Variants in GALNT18 observed in about 807,000 individuals in gnomAD.
The protein encoded by GALNT18 is GalNAc-transferase 18.
GALNT18 carries 44 observed loss-of-function variants against 69.5 expected under a neutral mutation model. The observed-to-expected ratio is 0.63, with a 90% confidence interval of 0.50 to 0.81. GALNT18 has a LOEUF of 0.81. GALNT18 is among the 40% of genes least tolerant of loss of function. The pLI is 0.00. For missense variants in GALNT18, 715 were observed against 810.0 expected (o/e 0.88, Z 1.42); for synonymous variants, 364 against 318.2 (o/e 1.14, Z -1.53).
At chr11:11,460,302 C>G (rs977377945) in intron 1 of GALNT18, among the ~76,000 whole-genome samples, 25 of 152,188 alleles carry the variant, frequency 1.6e-4, no homozygotes. Context: ...CTTTTCCCAT[C>G]TATTAAAAAG....
chr11:11,451,258 G>A (rs943335689), intron 1 of GALNT18, among the ~76,000 whole-genome samples: 6 of 152,094 alleles, frequency 3.9e-5, no homozygotes, highest in African/African-American at 1.2e-4. Context: ...TGACTCATTC[G>A]TTTGGAATGG....
At chr11:11,594,315 T>C (rs1859434618) in intron 1 of GALNT18, among the ~76,000 whole-genome samples, 1 of 152,338 alleles carries the variant, frequency 6.6e-6, no homozygotes, top group Admixed American at 6.5e-5. Flanking sequence ...TTTATTGATA[T>C]ACAACTTTCA....
rs576455023 is a variant in GALNT18, at chr11:11,383,990, C to T, written c.596-4726G>A. On this transcript the variant is annotated intron_variant, in intron 3 of 10. Coordinates refer to ENST00000227756, the MANE Select transcript of GALNT18 (RefSeq NM_198516.3). The surrounding 1 kb of genome is among the most constrained non-coding windows in gnomAD (Gnocchi z 5.2). ...CTCTTTTCTTTATAAATTGCCCAGTCTCAGGTAGTTCTTTATAGCAGTGCG... is the reference window on the plus strand; with the variant it reads ...CTCTTTTCTTTATAAATTGCCCAGTTTCAGGTAGTTCTTTATAGCAGTGCG... Among the ~76,000 whole-genome samples, 37 of 152,258 alleles carry T rather than the reference C, an allele frequency of 2.4e-4. No homozygotes were observed. The highest frequency in any genetic ancestry group is 7.9e-4 in the African/African-American group (33 of 41,540).
intron 6 of GALNT18, among the ~76,000 whole-genome samples, chr11:11,363,423 G>C (rs1850686053): frequency 6.6e-6 from 1 of 152,088 alleles, no homozygotes; most frequent in African/African-American, 2.4e-5. Context: ...AAAATCTAAA[G>C]AAGAAATGCA....
chr11:11,583,996 T>C lies in GALNT18; in HGVS notation c.235+37363A>G, dbSNP rs1386709353. 6.6e-6 allele frequency among the ~76,000 whole-genome samples: 1 copy of C among 152,002 alleles called. No individual in the cohort carries two copies. The highest frequency in any genetic ancestry group is 2.4e-5 in the African/African-American group (1 of 41,386). ...GAAATAGAGATGAACTGAATTCTTG[T>C]GAGGACATAGGAATTCGAAAAGGAA... On this transcript the variant is annotated intron_variant, in intron 1 of 10. Transcript: ENST00000227756. This position sits in a 1 kb window ranked among gnomAD's most constrained non-coding sequence, Gnocchi z 4.7.
intron 10 of GALNT18, among the ~76,000 whole-genome samples, chr11:11,286,499 T>G (rs1218448407): frequency 1.3e-5 from 2 of 152,188 alleles, no homozygotes. Context: ...TGACTTTTTT[T>G]TTTCTCCAGT....
intron 1 of GALNT18, among the ~76,000 whole-genome samples, chr11:11,509,774 C>A (rs1164937678): frequency 1.3e-5 from 2 of 152,238 alleles, no homozygotes; most frequent in Non-Finnish European, 2.9e-5. Context: ...GCTGGCATAT[C>A]TGAATTCAAG....
intron 2 of GALNT18, among the ~76,000 whole-genome samples, chr11:11,446,408 A>G (rs1855653493): frequency 6.6e-6 from 1 of 152,152 alleles, no homozygotes. Context: ...TTGACTGAAA[A>G]GTCCATGGCT....
chr11:11,608,260 T>C (rs749363895), intron 1 of GALNT18, among the ~76,000 whole-genome samples: 6 of 152,046 alleles, frequency 3.9e-5, no homozygotes, highest in African/African-American at 1.2e-4. Context: ...TCAACAAGGA[T>C]GAAGGAAAGA....
At chr11:11,312,454 C>G (rs1849687652) in intron 9 of GALNT18, among the ~76,000 whole-genome samples, 3 of 151,960 alleles carry the variant, frequency 2.0e-5, no homozygotes, top group African/African-American at 7.3e-5. Flanking sequence ...AGAAATGGAC[C>G]ATCATAAAGT....
chr11:11,450,005 C>A (rs1855756487), intron 1 of GALNT18, among the ~76,000 whole-genome samples: 2 of 152,210 alleles, frequency 1.3e-5, no homozygotes. Flanking sequence ...TAGTCCAGGA[C>A]TTTGGAATTA....
At chr11:11,521,592 A>G (rs1194800713) in intron 1 of GALNT18, among the ~76,000 whole-genome samples, 4 of 152,206 alleles carry the variant, frequency 2.6e-5, no homozygotes, top group Non-Finnish European at 5.9e-5. Flanking sequence ...CCTGAGCTCC[A>G]ACTTCATTCC....
chr11:11,314,000 C>T (rs1173736174), intron 9 of GALNT18, among the ~76,000 whole-genome samples: 1 of 152,128 alleles, frequency 6.6e-6, no homozygotes, highest in Non-Finnish European at 1.5e-5. Flanking sequence ...AGGTTTGTTA[C>T]TTTATTTAAT....
At chr11:11,445,030 T>C (rs1013802242) in intron 2 of GALNT18, among the ~76,000 whole-genome samples, 1 of 152,234 alleles carries the variant, frequency 6.6e-6, no homozygotes, top group Non-Finnish European at 1.5e-5. Flanking sequence ...AGCCTTGGTT[T>C]CATGTGCACT....
Position 11,327,204 on chromosome 11 carries a change from C to A in GALNT18, c.1417-23G>T, listed in dbSNP as rs180864514. On this transcript the variant is annotated intron_variant, in intron 8 of 10. Coordinates refer to ENST00000227756, the MANE Select transcript of GALNT18 (RefSeq NM_198516.3). ...CAGCTGAACATCAGAGAACAGATGG[C>A]CACACCAAAGAGAGAGGAACAGAGA... 4 of 1,520,254 alleles carry A rather than the reference C, an allele frequency of 2.6e-6. No homozygotes were observed. In the Admixed American group the frequency reaches 6.7e-5, roughly 25 times the overall value. The allele number at this position is 1,520,254 out of a possible 1,614,324, so 94.2% of individuals were successfully genotyped here.
At position 11,332,761 on chromosome 11, in the gene GALNT18, A is replaced by C; in HGVS notation, c.1349T>G (p.Phe450Cys). The C allele has an allele frequency of 6.2e-7, 1 of 1,614,068 alleles. No individual in the cohort carries two copies. Among genetic ancestry groups the C allele is most frequent in the Non-Finnish European group, 8.5e-7 (1 of 1,179,992 alleles). ...ALRKQLQCKTFRWYLVSVYPE... is the reference protein window; with the variant it reads ...ALRKQLQCKTCRWYLVSVYPE... ...GTACACGCTGACCAGGTACCACCGG[A>C]AGGTCTTGCACTGCAGCTGTTTCCT... The change falls in exon 8 of 11, where the codon TTC becomes TGC. Residue 450 changes from phenylalanine to cysteine, a missense_variant. Coordinates refer to ENST00000227756, the MANE Select transcript of GALNT18 (RefSeq NM_198516.3). The surrounding 1 kb of genome is among the most constrained non-coding windows in gnomAD (Gnocchi z 4.3).
At chr11:11,449,803 A>T (rs527961821) in intron 1 of GALNT18, among the ~76,000 whole-genome samples, 5 of 152,258 alleles carry the variant, frequency 3.3e-5, no homozygotes, top group Non-Finnish European at 7.3e-5. Flanking sequence ...GAATGCAGAG[A>T]TAATAATACC....
intron 1 of GALNT18, among the ~76,000 whole-genome samples, chr11:11,455,851 G>A: frequency 6.6e-6 from 1 of 152,214 alleles, no homozygotes; most frequent in South Asian, 2.1e-4. Flanking sequence ...CACTTTGGGA[G>A]GCCAAGGTGG....
At chr11:11,560,337 T>G (rs1027133325) in intron 1 of GALNT18, among the ~76,000 whole-genome samples, 2 of 123,196 alleles carry the variant, frequency 1.6e-5, no homozygotes, top group Non-Finnish European at 3.6e-5. Flanking sequence ...TGGGATGAGA[T>G]GGGAGGTGAT....
Sources: allele counts gnomAD v4.1 joint callset (sites outside exome capture counted in the v4.1 genomes callset), GRCh38; gene constraint gnomAD v4.1.1; non-coding constraint Gnocchi (gnomAD v3.1); transcripts MANE v1.5; gene names NCBI Gene and HGNC (gene_info 2026-07-23, HGNC 2026-07-21).